The following CNTN5 variants were observed in gnomAD, a reference collection of about 807,000 sequenced individuals.
CNTN5 encodes contactin 5.
A neutral mutation model predicts 129.1 loss-of-function variants in CNTN5; 77 were observed. That is an observed-to-expected ratio of 0.60 (90% CI 0.50 to 0.72). CNTN5 has a LOEUF of 0.72. Among genes scored for constraint, CNTN5 ranks in the 30% least tolerant of loss-of-function variants. The pLI, the probability that CNTN5 is intolerant of heterozygous loss-of-function variation, is 0.00. For missense variants in CNTN5, 1,478 were observed against 1,328.8 expected (o/e 1.11, Z -1.75); for synonymous variants, 509 against 465.6 (o/e 1.09, Z -1.20).
intron 1 of CNTN5, among the ~76,000 whole-genome samples, chr11:99,318,326 T>A (rs1865430405): frequency 6.6e-6 from 1 of 152,160 alleles, no homozygotes. Context: ...ATGCAGCTAA[T>A]TAATGATTAG....
At position 99,244,421 on chromosome 11, in the gene CNTN5, C is replaced by T. The variant is rs193223123; in HGVS notation, c.-209-80925C>T. ...TCATTGGTGTAACCCCAGAGCCTACCTCATTCCTTGTAGAAAATTGGTTTG... is the reference window on the plus strand; with the variant it reads ...TCATTGGTGTAACCCCAGAGCCTACTTCATTCCTTGTAGAAAATTGGTTTG... On this transcript the variant is annotated intron_variant, in intron 1 of 24. Transcript: ENST00000524871. Among the ~76,000 whole-genome samples, 19 of 152,190 alleles carry T rather than the reference C, an allele frequency of 1.2e-4. 1 individual carries two copies. The East Asian group carries it at 3.5e-3, about 28-fold the overall frequency.
chr11:99,890,477 G>T (rs1207976705), intron 6 of CNTN5, among the ~76,000 whole-genome samples: 3 of 151,668 alleles, frequency 2.0e-5, no homozygotes, highest in Non-Finnish European at 4.4e-5. Flanking sequence ...TGTTGAATAT[G>T]TACATATGTA....
At chr11:99,282,264 C>T (rs1270105036) in intron 1 of CNTN5, among the ~76,000 whole-genome samples, 1 of 151,844 alleles carries the variant, frequency 6.6e-6, no homozygotes, top group Non-Finnish European at 1.5e-5. Context: ...CAAATATGGA[C>T]AATAAGCTAT....
intron 3 of CNTN5, among the ~76,000 whole-genome samples, chr11:99,741,130 G>A (rs1475718088): frequency 1.3e-5 from 2 of 152,090 alleles, no homozygotes; most frequent in Non-Finnish European, 2.9e-5. Flanking sequence ...GTCTGAATCA[G>A]CAAGGCAGGT....
intron 2 of CNTN5, among the ~76,000 whole-genome samples, chr11:99,408,265 CTGGAG>C (rs1249041543): frequency 6.6e-6 from 1 of 150,540 alleles, no homozygotes; most frequent in African/African-American, 2.4e-5. Flanking sequence ...GTTGCCCAGG[CTGGAG>C]TGCAGTGGTG....
chr11:99,549,751 C>T (rs1948420253), intron 2 of CNTN5, among the ~76,000 whole-genome samples: 1 of 152,108 alleles, frequency 6.6e-6, no homozygotes, highest in Non-Finnish European at 1.5e-5. Context: ...TATGTGGAGT[C>T]GTGAGCCATA....
chr11:99,065,570 T>C (rs1053615611), intron 1 of CNTN5, among the ~76,000 whole-genome samples: 3 of 152,180 alleles, frequency 2.0e-5, no homozygotes, highest in African/African-American at 7.2e-5. Flanking sequence ...CATCTCTTTA[T>C]GTTGTGTTCC....
At chr11:99,397,160 A>C (rs1941568200) in intron 2 of CNTN5, among the ~76,000 whole-genome samples, 1 of 151,792 alleles carries the variant, frequency 6.6e-6, no homozygotes, top group Non-Finnish European at 1.5e-5. Flanking sequence ...AAAATCAGTA[A>C]GGTGTTTTGC....
chr11:99,858,444 A>C (rs191490924), intron 6 of CNTN5, among the ~76,000 whole-genome samples: 2 of 152,056 alleles, frequency 1.3e-5, no homozygotes, highest in East Asian at 3.9e-4. Flanking sequence ...TTATTAAAGA[A>C]AATCTCTATG....
intron 3 of CNTN5, among the ~76,000 whole-genome samples, chr11:99,789,979 C>T (rs547367133): frequency 4.1e-4 from 63 of 152,032 alleles, no homozygotes; most frequent in Non-Finnish European, 7.7e-4. Context: ...ATCTTTATGT[C>T]CTTGAGTACC....
intron 2 of CNTN5, among the ~76,000 whole-genome samples, chr11:99,513,627 T>C (rs915973320): frequency 2.6e-5 from 4 of 152,100 alleles, no homozygotes; most frequent in Non-Finnish European, 5.9e-5. Context: ...AAATCTACTC[T>C]GCCTGTTCTA....
intron 2 of CNTN5, among the ~76,000 whole-genome samples, chr11:99,398,845 T>A (rs1941659272): frequency 1.3e-5 from 2 of 151,906 alleles, no homozygotes; most frequent in South Asian, 2.1e-4. Flanking sequence ...ACAACTCATA[T>A]CACCTCTCTC....
intron 3 of CNTN5, among the ~76,000 whole-genome samples, chr11:99,648,436 T>G (rs549179889): frequency 6.6e-6 from 1 of 151,802 alleles, no homozygotes; most frequent in African/African-American, 2.4e-5. Context: ...GGGAAAGATG[T>G]GGAGAAAAGG....
At chr11:99,257,402 T>C (rs1862422483) in intron 1 of CNTN5, among the ~76,000 whole-genome samples, 1 of 152,058 alleles carries the variant, frequency 6.6e-6, no homozygotes, top group African/African-American at 2.4e-5. Flanking sequence ...TTATTGCTCT[T>C]TTTACTAGTT....
intron 13 of CNTN5, 140 bp downstream of exon 13, chr11:100,074,434 A>T: frequency 2.7e-6 from 2 of 740,428 alleles, no homozygotes; most frequent in South Asian, 4.6e-5. Flanking sequence ...TTTTGCCTAT[A>T]TAGTGATTTT....
At chr11:99,480,293 C>G (rs941548345) in intron 2 of CNTN5, among the ~76,000 whole-genome samples, 1 of 152,124 alleles carries the variant, frequency 6.6e-6, no homozygotes, top group Non-Finnish European at 1.5e-5. Flanking sequence ...AACTTTCTCT[C>G]CTGTGGAACT....
Position 99,936,352 on chromosome 11 carries a change from A to G in CNTN5, c.673+20203A>G, listed in dbSNP as rs141500904. On this transcript the variant is annotated intron_variant, in intron 7 of 24. Coordinates refer to ENST00000524871, the MANE Select transcript of CNTN5 (RefSeq NM_014361.4). ...GCGTTTAGTAAAGTTCTAAAACTAT[A>G]CAATTTTCTCTTTCTTTCCTTCAGA... Among the ~76,000 whole-genome samples the G allele has an allele frequency of 7.3e-4, 111 of 152,346 alleles. 1 individual carries two copies. In the Middle Eastern group the frequency reaches 0.01, roughly 14 times the overall value.
At chr11:99,241,714 GACAGGTAAC>G (rs1229299326) in intron 1 of CNTN5, among the ~76,000 whole-genome samples, 1 of 151,990 alleles carries the variant, frequency 6.6e-6, no homozygotes, top group Admixed American at 6.6e-5. Flanking sequence ...TGAATAAGTT[GACAGGTAAC>G]ACAGCTTATT....
intron 13 of CNTN5, among the ~76,000 whole-genome samples, chr11:100,140,243 A>G (rs535693870): frequency 6.6e-6 from 1 of 152,352 alleles, no homozygotes; most frequent in East Asian, 1.9e-4. Flanking sequence ...AAATATGCCA[A>G]CATGGCTTTG....
Sources: gnomAD v4.1 joint callset for allele counts (sites outside exome capture counted in the v4.1 genomes callset) on GRCh38, gnomAD v4.1.1 for gene constraint, MANE v1.5 for transcripts, NCBI Gene and HGNC (gene_info 2026-07-23, HGNC 2026-07-21) for gene names.